MICU3: variants seen among roughly 807,000 people sequenced by gnomAD.
MICU3 encodes the protein calcium uptake protein 3, mitochondrial.
MICU3 carries 62 observed loss-of-function variants against 66.5 expected under a neutral mutation model. The ratio of observed to expected loss-of-function variants is 0.93; its 90% CI spans 0.76 to 1.15. MICU3 has a LOEUF of 1.15. MICU3 is among the 50% of genes most tolerant of loss of function. MICU3 has a pLI of 0.00. For missense variants in MICU3, 779 were observed against 664.4 expected, an observed-to-expected ratio of 1.17 and a Z score of -1.90; for synonymous variants, 308 against 240.7, an observed-to-expected ratio of 1.28 and a Z score of -2.59.
At chr8:17,065,705 A>G (rs1271452551) in intron 2 of MICU3, among the ~76,000 whole-genome samples, 1 of 152,190 alleles carries the variant, frequency 6.6e-6, no homozygotes, top group Admixed American at 6.5e-5. Context: ...ATTTAAAAAC[A>G]TGAAGGTTAT....
intron 6 of MICU3, among the ~76,000 whole-genome samples, 165 bp from the exon 7 acceptor site, chr8:17,086,799 C>T (rs796544195): frequency 1.3e-5 from 2 of 151,608 alleles, no homozygotes; most frequent in African/African-American, 2.4e-5. Flanking sequence ...GATATATCTT[C>T]TTGGGGGAAA....
rs991813330 is a variant in MICU3, at chr8:17,059,163, G to T, written c.382-4921G>T. ...AATAGAGTTTCATCCAATATAGTTT[G>T]AGTTTTTGTTTGGGGATTCCTATTT... On this transcript the variant is annotated intron_variant, in intron 1 of 14. Transcript: ENST00000318063. 5.3e-5 allele frequency among the ~76,000 whole-genome samples: 8 copies of T among 152,266 alleles called. No individual in the cohort carries two copies. In the East Asian group the frequency reaches 1.5e-3, roughly 29 times the overall value.
At chr8:17,042,387 G>A (rs1814290319) in intron 1 of MICU3, among the ~76,000 whole-genome samples, 1 of 152,186 alleles carries the variant, frequency 6.6e-6, no homozygotes, top group Non-Finnish European at 1.5e-5. Context: ...AAGAAAAAAT[G>A]TGTTTAAAAA....
chr8:17,120,031 C>G (rs1024037600), intron 14 of MICU3, among the ~76,000 whole-genome samples: 1 of 152,190 alleles, frequency 6.6e-6, no homozygotes, highest in African/African-American at 2.4e-5. Flanking sequence ...TAGTATCACA[C>G]TGGCACCACT....
chr8:17,071,605 A>G (rs1411041228), intron 3 of MICU3, among the ~76,000 whole-genome samples: 1 of 152,210 alleles, frequency 6.6e-6, no homozygotes, highest in Non-Finnish European at 1.5e-5. Context: ...GTAGTATGAA[A>G]AAAAGAAGAG....
intron 7 of MICU3, among the ~76,000 whole-genome samples, chr8:17,089,850 T>C (rs1490435279): frequency 6.6e-6 from 1 of 152,120 alleles, no homozygotes; most frequent in Non-Finnish European, 1.5e-5. Flanking sequence ...AGTAGAACCA[T>C]GTAGCTACTT....
At chr8:17,067,419 TCATAGC>T (rs1450034299) in intron 2 of MICU3, among the ~76,000 whole-genome samples, 1 of 150,552 alleles carries the variant, frequency 6.6e-6, no homozygotes, top group Non-Finnish European at 1.5e-5. Flanking sequence ...TCATCAGAAT[TCATAGC>T]CATGATTTTT....
intron 14 of MICU3, 29 bp downstream of exon 14, chr8:17,118,804 G>C (rs747035957): frequency 1.4e-6 from 2 of 1,415,846 alleles, no homozygotes; most frequent in African/African-American, 1.4e-5. Flanking sequence ...GTCTAAATTT[G>C]TTCAGTAACA....
At chr8:17,114,041 T>TATCA in intron 11 of MICU3, 52 bp from the exon 12 acceptor site, 1 of 1,064,194 alleles carries the variant, frequency 9.4e-7, no homozygotes, top group Non-Finnish European at 1.3e-6. Context: ...AGATCCTGAT[T>TATCA]TTAATAAATT....
the MICU3 span, among the ~76,000 whole-genome samples, chr8:17,128,246 ACACAC>A: frequency 7.9e-5 from 12 of 151,916 alleles, no homozygotes; most frequent in Admixed American, 7.9e-4. Context: ...ACACACACAC[ACACAC>A]ACACACACAC....
At chr8:17,114,242 C>T (rs1159074301) in intron 12 of MICU3, 41 bp downstream of exon 12, 6 of 1,267,432 alleles carry the variant, frequency 4.7e-6, no homozygotes, top group Non-Finnish European at 6.8e-6. Context: ...AGAAGTAATA[C>T]TACATTGTTT....
At chr8:17,028,969 T>C (rs924261919) in intron 1 of MICU3, among the ~76,000 whole-genome samples, 2 of 152,208 alleles carry the variant, frequency 1.3e-5, no homozygotes, top group African/African-American at 4.8e-5. Context: ...TTGAGAGATG[T>C]TATCTTGCAG....
At chr8:17,102,683 C>T (rs1801372562) in intron 9 of MICU3, 1 of 151,920 alleles carries the variant, frequency 6.6e-6, no homozygotes. Context: ...ACTAATATCC[C>T]TCAAGTTTCA....
intron 2 of MICU3, among the ~76,000 whole-genome samples, chr8:17,067,629 A>G (rs1210031533): frequency 2.6e-5 from 4 of 152,020 alleles, no homozygotes; most frequent in Non-Finnish European, 5.9e-5. Flanking sequence ...GAGTTTCACC[A>G]TGGTTTAACC....
chr8:17,051,939 C>T (rs1448628861), intron 1 of MICU3, among the ~76,000 whole-genome samples: 2 of 151,840 alleles, frequency 1.3e-5, no homozygotes, highest in Non-Finnish European at 1.5e-5. Flanking sequence ...TAGCACCGTG[C>T]GTTATGCTGA....
At chr8:17,065,864 G>C (rs1447345350) in intron 2 of MICU3, among the ~76,000 whole-genome samples, 1 of 152,058 alleles carries the variant, frequency 6.6e-6, no homozygotes, top group East Asian at 1.9e-4. Flanking sequence ...TAGCTGTAAT[G>C]GAATTTGAAG....
chr8:17,058,518 C>A (rs1817331498), intron 1 of MICU3, among the ~76,000 whole-genome samples: 1 of 151,906 alleles, frequency 6.6e-6, no homozygotes, highest in Non-Finnish European at 1.5e-5. Flanking sequence ...TCATGTTCCG[C>A]CTTTATTATT....
intron 4 of MICU3, among the ~76,000 whole-genome samples, chr8:17,080,222 T>A (rs1820976879): frequency 6.6e-6 from 1 of 152,154 alleles, no homozygotes; most frequent in Non-Finnish European, 1.5e-5. Flanking sequence ...TGACCATTTT[T>A]ATTAAATTAT....
At chr8:17,091,862 T>A (rs143669699) in intron 8 of MICU3, among the ~76,000 whole-genome samples, 1 of 152,034 alleles carries the variant, frequency 6.6e-6, no homozygotes, top group African/African-American at 2.4e-5. Context: ...ACTTAGGACT[T>A]TATGGGGGTT....
Sources: gnomAD v4.1 joint callset for allele counts (sites outside exome capture counted in the v4.1 genomes callset) on GRCh38, gnomAD v4.1.1 for gene constraint, MANE v1.5 for transcripts, NCBI Gene and HGNC (gene_info 2026-07-23, HGNC 2026-07-21) for gene names.